The following SHANK2 variants were observed in gnomAD, a reference collection of about 807,000 sequenced individuals.
SHANK2 encodes SH3 and multiple ankyrin repeat domains protein 2.
Under a neutral mutation model 133.7 loss-of-function variants are expected in SHANK2, and 43 were observed. That is an observed-to-expected ratio of 0.32 (90% confidence interval 0.25 to 0.41). SHANK2 has a LOEUF of 0.41. SHANK2 is among the 10% of genes least tolerant of loss of function. SHANK2 has a pLI of 1.00. For missense variants in SHANK2, 1,994 were observed against 2,235.8 expected (o/e 0.89, Z 2.18); for synonymous variants, 1,017 against 952.8 (o/e 1.07, Z -1.24).
chr11:71,166,162 G>A (rs1229397491), intron 2 of SHANK2, among the ~76,000 whole-genome samples: 1 of 152,164 alleles, frequency 6.6e-6, no homozygotes, highest in Non-Finnish European at 1.5e-5. Context: ...CACAGGCCAA[G>A]CACCAAAGCA....
chr11:70,746,943 C>T (rs567708110), intron 14 of SHANK2, among the ~76,000 whole-genome samples: 1 of 148,344 alleles, frequency 6.7e-6, no homozygotes, highest in Non-Finnish European at 1.5e-5. Flanking sequence ...TCCCCTTTAC[C>T]CCTCCACCCC....
Position 70,500,526 on chromosome 11 carries a change from G to T in SHANK2, c.2308+44C>A. 6.3e-7 allele frequency: 1 copy of T among 1,590,100 alleles called. No homozygotes were observed. Among genetic ancestry groups the T allele is most frequent in the Non-Finnish European group, 8.6e-7 (1 of 1,168,304 alleles). On this transcript the variant is annotated intron_variant, in intron 21 of 25. Coordinates refer to ENST00000601538, the MANE Select transcript of SHANK2 (RefSeq NM_012309.5). This position sits in a 1 kb window ranked among gnomAD's most constrained non-coding sequence, Gnocchi z 4.5. Reference sequence around the variant, plus strand: ...CAAAGGATGTTTCTGTTCCACAGGGGGGTGATGGGCAGGGGGCTGAGACAG... The same window carrying T: ...CAAAGGATGTTTCTGTTCCACAGGGTGGTGATGGGCAGGGGGCTGAGACAG...
chr11:71,165,544 G>A (rs782542496), intron 2 of SHANK2, among the ~76,000 whole-genome samples: 13 of 152,078 alleles, frequency 8.5e-5, no homozygotes, highest in Admixed American at 2.6e-4. Flanking sequence ...AATGAAGCCC[G>A]AACACCAAGC....
In SHANK2 at chr11:70,569,619, G is replaced by A. The variant is rs868969053; in HGVS notation, c.2062-66688C>T. The stretch of plus-strand genomic sequence containing the variant: ...TACCGAGGAGGTTAGGACAGCCCTC[G>A]GGCTCAGGAGTGCCCAGTGACCCAG... On this transcript the variant is annotated intron_variant, in intron 17 of 25. Transcript: ENST00000601538. The surrounding 1 kb of genome is among the most constrained non-coding windows in gnomAD (Gnocchi z 5.1). 1.3e-5 allele frequency among the ~76,000 whole-genome samples: 2 copies of A among 152,186 alleles called. No homozygotes were observed. The highest frequency in any genetic ancestry group is 2.1e-4 in the South Asian group (1 of 4,810).
intron 22 of SHANK2, among the ~76,000 whole-genome samples, chr11:70,491,618 C>G (rs11236435): frequency 6.6e-6 from 1 of 152,236 alleles, no homozygotes; most frequent in South Asian, 2.1e-4. Context: ...AAAGAGAATA[C>G]TAAGGTAAGC....
chr11:70,707,010 A>G (rs1346233845), intron 14 of SHANK2, among the ~76,000 whole-genome samples: 1 of 152,124 alleles, frequency 6.6e-6, no homozygotes, highest in Non-Finnish European at 1.5e-5. Context: ...GAAATTTACT[A>G]AGACACTGAA....
chr11:71,073,262 A>G (rs1259576749), intron 9 of SHANK2, among the ~76,000 whole-genome samples: 1 of 147,556 alleles, frequency 6.8e-6, no homozygotes, highest in Non-Finnish European at 1.5e-5. Context: ...GGGTTCAAGC[A>G]ATTCTCTTGC....
chr11:70,781,558 T>TTATATTTATATATATATATATATA (rs1947492006), intron 14 of SHANK2, among the ~76,000 whole-genome samples: 1 of 28,970 alleles, frequency 3.5e-5, no homozygotes, highest in African/African-American at 1.0e-4. Context: ...TACTTACTTA[T>TTATATTTATATATATATATATATA]TATATATATA....
intron 6 of SHANK2, among the ~76,000 whole-genome samples, chr11:71,095,232 G>A (rs954641508): frequency 2.4e-4 from 36 of 152,280 alleles, no homozygotes; most frequent in Admixed American, 3.3e-4. Context: ...TTAACGCGGC[G>A]CAGGATGACC....
intron 10 of SHANK2, among the ~76,000 whole-genome samples, chr11:70,936,884 G>A (rs1950578654): frequency 6.6e-6 from 1 of 152,186 alleles, no homozygotes; most frequent in African/African-American, 2.4e-5. Context: ...AGTCCTCAAG[G>A]TGATTCAGCC....
At chr11:71,086,102 A>AATATATTAAATT (rs1590895412) in intron 8 of SHANK2, among the ~76,000 whole-genome samples, 16 of 49,880 alleles carry the variant, frequency 3.2e-4, no homozygotes, top group African/African-American at 8.1e-4. Context: ...TAAATTATAT[A>AATATATTAAATT]ATATATTATG....
rs1555020579 is a variant in SHANK2, at chr11:70,689,991, AT to A, written c.1853+8696del. On this transcript the variant is annotated intron_variant, in intron 15 of 25. Transcript: ENST00000601538. ...CTGGAGAACATTTGATAACTAGGGAATTTCCAGACAGGGAGGTTACATTCCA... is the reference window on the plus strand; with the variant it reads ...CTGGAGAACATTTGATAACTAGGGAATTCCAGACAGGGAGGTTACATTCCA... 3.5e-3 allele frequency among the ~76,000 whole-genome samples: 539 copies of A among 152,284 alleles called. 2 individuals are homozygous for A. The highest frequency in any genetic ancestry group is 0.012 in the African/African-American group (512 of 41,568).
intron 17 of SHANK2, among the ~76,000 whole-genome samples, chr11:70,651,606 C>A (rs2061340172): frequency 6.6e-6 from 1 of 152,140 alleles, no homozygotes; most frequent in African/African-American, 2.4e-5. Flanking sequence ...AGTAAAGGCC[C>A]CCAATGCTAT....
At position 71,160,295 on chromosome 11, in the gene SHANK2, C is replaced by A. The variant is rs35136877; in HGVS notation, c.-12-12957G>T. ...AGCAGCCCTCAAATTCTCACTGCTA[C>A]GAACTGAACTGTCTCCCTCTAAAAT... On this transcript the variant is annotated intron_variant, in intron 2 of 25. Coordinates refer to ENST00000601538, the MANE Select transcript of SHANK2 (RefSeq NM_012309.5). Among the ~76,000 whole-genome samples the A allele has an allele frequency of 5.8e-4, 88 of 152,146 alleles. No homozygotes were observed. The Middle Eastern group carries it at 0.01, about 18-fold the overall frequency.
At chr11:70,703,978 G>A (rs1056910268) in intron 14 of SHANK2, among the ~76,000 whole-genome samples, 1 of 152,230 alleles carries the variant, frequency 6.6e-6, no homozygotes, top group Non-Finnish European at 1.5e-5. Flanking sequence ...TGATCCCAGT[G>A]AGTGACGGGC....
intron 10 of SHANK2, among the ~76,000 whole-genome samples, chr11:70,932,367 G>C (rs1032553381): frequency 6.6e-6 from 1 of 152,222 alleles, no homozygotes; most frequent in Non-Finnish European, 1.5e-5. Context: ...GAAGGAATAA[G>C]GGGTCTTCAG....
intron 11 of SHANK2, among the ~76,000 whole-genome samples, chr11:70,894,476 C>T (rs113710753): frequency 1.7e-3 from 260 of 152,256 alleles, no homozygotes; most frequent in African/African-American, 6.0e-3. Context: ...CGTGAGACAC[C>T]GCGCCTGGCC....
rs550569393 is a variant in SHANK2 at position 71,175,088 on chromosome 11, G to A, written c.-12-27750C>T. Among the ~76,000 whole-genome samples the A allele has an allele frequency of 1.1e-4, 17 of 150,866 alleles. No individual in the cohort carries two copies. The highest frequency in any genetic ancestry group is 3.4e-4 in the African/African-American group (14 of 41,130). On this transcript the variant is annotated intron_variant, in intron 2 of 25. Transcript: ENST00000601538. This position sits in a 1 kb window ranked among gnomAD's most constrained non-coding sequence, Gnocchi z 4.2. ...GCAGCTACAAAACACACACACGGTC[G>A]CATATGTGCATTTACCAGAGCAAGG...
At chr11:71,173,827 G>A (rs1953366278) in intron 2 of SHANK2, among the ~76,000 whole-genome samples, 1 of 152,246 alleles carries the variant, frequency 6.6e-6, no homozygotes. Flanking sequence ...AAGTGACCAG[G>A]TGAAGACTGA....
Sources: gnomAD v4.1 joint callset for allele counts (sites outside exome capture counted in the v4.1 genomes callset) on GRCh38, gnomAD v4.1.1 for gene constraint, Gnocchi (gnomAD v3.1) non-coding constraint, MANE v1.5 for transcripts, NCBI Gene and HGNC (gene_info 2026-07-23, HGNC 2026-07-21) for gene names.